Variants in VPS37B observed in about 807,000 individuals in gnomAD.
VPS37B encodes vacuolar protein sorting-associated protein 37B.
Under a neutral mutation model 21.2 loss-of-function variants are expected in VPS37B, and 11 were observed. That is an observed-to-expected ratio of 0.52 (90% CI 0.33 to 0.86). The LOEUF (loss-of-function observed/expected upper bound fraction) is 0.86, where lower values mean the gene tolerates loss of function less well. Among genes scored for constraint, VPS37B ranks in the 40% least tolerant of loss-of-function variants. The pLI is 0.03. For synonymous variants in VPS37B, 175 were observed against 159.6 expected (o/e 1.10, Z -0.73); for missense variants, 389 against 374.8 (o/e 1.04, Z -0.31).
chr12:122,875,535 C>A (rs2034132326), intron 1 of VPS37B: 1 of 152,012 alleles, frequency 6.6e-6, no homozygotes, highest in Non-Finnish European at 1.5e-5. Flanking sequence ...CCAGAACACA[C>A]CTTGGATGCT....
intron 1 of VPS37B, 21 bp from the exon 2 acceptor site, chr12:122,871,082 G>C: frequency 1.9e-6 from 3 of 1,612,128 alleles, no homozygotes; most frequent in Non-Finnish European, 2.5e-6. Flanking sequence ...CACACAAGAT[G>C]ATGAGAACCA....
intron 1 of VPS37B, chr12:122,883,746 G>A (rs2034282144): frequency 6.6e-6 from 1 of 152,188 alleles, no homozygotes; most frequent in African/African-American, 2.4e-5. Flanking sequence ...CCAAAGTGCT[G>A]GGGATTACAG....
chr12:122,872,197 G>C (rs1228633505), intron 1 of VPS37B: 1 of 985,246 alleles, frequency 1.0e-6, no homozygotes, highest in South Asian at 4.7e-5. Flanking sequence ...TTCCTGGTGC[G>C]CTCACACGAG....
chr12:122,868,027 C>G lies in VPS37B; in HGVS notation c.367-420G>C, dbSNP rs1288544713. 6.6e-6 allele frequency among the ~76,000 whole-genome samples: 1 copy of G among 152,230 alleles called. No individual in the cohort carries two copies. Among genetic ancestry groups the G allele is most frequent in the African/African-American group, 2.4e-5 (1 of 41,454 alleles). On this transcript the variant is annotated intron_variant, in intron 3 of 3. Coordinates refer to ENST00000267202, the MANE Select transcript of VPS37B (RefSeq NM_024667.3). The surrounding 1 kb of genome is among the most constrained non-coding windows in gnomAD (Gnocchi z 5.5). ...CCCAGGGCTTCAGAGTTCATCGAGCCCAGCCCTATCTTGGCAAGACCCTGC... is the reference window on the plus strand; with the variant it reads ...CCCAGGGCTTCAGAGTTCATCGAGCGCAGCCCTATCTTGGCAAGACCCTGC...
chr12:122,895,893 C>A lies in VPS37B; in HGVS notation c.111+59G>T. ...GTCGCCTCCGCCTCCGGCCACCGTT[C>A]GAGGAGCGAACCCCGCTCGAGGCCT... On this transcript the variant is annotated intron_variant, in intron 1 of 3. Coordinates refer to ENST00000267202, the MANE Select transcript of VPS37B (RefSeq NM_024667.3). 3 of 1,526,162 alleles carry A rather than the reference C, an allele frequency of 2.0e-6. No homozygotes were observed. The South Asian group carries it at 3.4e-5, about 17-fold the overall frequency. The allele number at this position is 1,526,162 out of a possible 1,614,324, so 94.5% of individuals were successfully genotyped here. A position where few individuals can be genotyped will look rare whatever the true frequency, so the allele number is the denominator to read the frequency against.
chr12:122,868,467 T>C lies in VPS37B; in HGVS notation c.366+13A>G, dbSNP rs1391577412. 1.9e-6 allele frequency: 3 copies of C among 1,611,456 alleles called. No individual in the cohort carries two copies. Among genetic ancestry groups the C allele is most frequent in the Non-Finnish European group, 2.5e-6 (3 of 1,179,240 alleles). On this transcript the variant is annotated intron_variant, in intron 3 of 3. Transcript: ENST00000267202. The surrounding 1 kb of genome is among the most constrained non-coding windows in gnomAD (Gnocchi z 5.5). ...AGCGCCCCAAGGATTCCACCAAGGCTGGTGGGCTTTACCTCAGTGTCTTCC... is the reference window on the plus strand; with the variant it reads ...AGCGCCCCAAGGATTCCACCAAGGCCGGTGGGCTTTACCTCAGTGTCTTCC...
intron 1 of VPS37B, chr12:122,873,667 G>A (rs539597183): frequency 2.6e-5 from 4 of 152,226 alleles, no homozygotes; most frequent in South Asian, 2.1e-4. Flanking sequence ...ATCCCTTCCC[G>A]GTCAGTTCTG....
chr12:122,866,732 T>G lies in VPS37B; in HGVS notation c.*384A>C. On this transcript the variant is annotated 3_prime_UTR_variant, in exon 4 of 4. Transcript: ENST00000267202. ...GTGGGTGAGACACATAGGACTGTCTTTCGAAAATAAAATAAGTATCATGAA... is the reference window on the plus strand; with the variant it reads ...GTGGGTGAGACACATAGGACTGTCTGTCGAAAATAAAATAAGTATCATGAA... 1 of 168,524 alleles carries G rather than the reference T, an allele frequency of 5.9e-6. No homozygotes were observed. Among genetic ancestry groups the G allele is most frequent in the Non-Finnish European group, 1.3e-5 (1 of 79,098 alleles). The allele number at this position is 168,524 out of a possible 1,614,324, so 10.4% of individuals were successfully genotyped here.
chr12:122,877,183 C>T (rs1027017464), intron 1 of VPS37B: 2 of 152,150 alleles, frequency 1.3e-5, no homozygotes, highest in East Asian at 1.9e-4. Context: ...TGACTGAATT[C>T]GTTTAGCAAA....
intron 1 of VPS37B, chr12:122,890,228 G>T (rs540345272): frequency 6.6e-6 from 1 of 151,952 alleles, no homozygotes; most frequent in Admixed American, 6.5e-5. Context: ...TTGTGGGAAC[G>T]TAAGTTAAAA....
chr12:122,868,633 G>C lies in VPS37B; in HGVS notation c.284-71C>G, dbSNP rs1461899093. ...TAAAGCCCTTCATGATGCCAACCACGGCAGGATTGCACCTTCCTTTCCAGG... is the reference window on the plus strand; with the variant it reads ...TAAAGCCCTTCATGATGCCAACCACCGCAGGATTGCACCTTCCTTTCCAGG... On this transcript the variant is annotated intron_variant, in intron 2 of 3. Transcript: ENST00000267202. The surrounding 1 kb of genome is among the most constrained non-coding windows in gnomAD (Gnocchi z 5.5). 7.6e-7 allele frequency: 1 copy of C among 1,320,602 alleles called. No individual in the cohort carries two copies. The highest frequency in any genetic ancestry group is 1.1e-6 in the Non-Finnish European group (1 of 935,118). The allele number at this position is 1,320,602 out of a possible 1,614,324, so 81.8% of individuals were successfully genotyped here.
Position 122,868,390 on chromosome 12 carries a change from G to T in VPS37B, c.366+90C>A. 1 of 1,205,924 alleles carries T rather than the reference G, an allele frequency of 8.3e-7. No individual in the cohort carries two copies. The allele number at this position is 1,205,924 out of a possible 1,614,324, so 74.7% of individuals were successfully genotyped here. ...CCTGGGAGGCACCACTCCTGGCCGT[G>T]GCGGTGTGGCACTCACGGTCCCTGG... On this transcript the variant is annotated intron_variant, in intron 3 of 3. Coordinates refer to ENST00000267202, the MANE Select transcript of VPS37B (RefSeq NM_024667.3). The surrounding 1 kb of genome is among the most constrained non-coding windows in gnomAD (Gnocchi z 5.5).
At chr12:122,887,958 C>G (rs1197233050) in intron 1 of VPS37B, 17 of 152,398 alleles carry the variant, frequency 1.1e-4, no homozygotes, top group Admixed American at 1.1e-3. Flanking sequence ...CCCACCTCAG[C>G]CTTCGGAGTA....
intron 1 of VPS37B, 79 bp downstream of exon 1, chr12:122,895,873 C>CT: frequency 7.2e-7 from 1 of 1,384,520 alleles, no homozygotes; most frequent in Non-Finnish European, 1.0e-6. Context: ...CCGCGGTCGC[C>CT]TCCGCCTCCG....
intron 1 of VPS37B, chr12:122,885,218 TA>T (rs2034303730): frequency 6.6e-6 from 1 of 151,750 alleles, no homozygotes. Flanking sequence ...GGGGATCAGA[TA>T]TTTTACCTAA....
rs2033942319 is a variant in VPS37B at position 122,867,939 on chromosome 12, C to A, written c.367-332G>T. On this transcript the variant is annotated intron_variant, in intron 3 of 3. Transcript: ENST00000267202. This position sits in a 1 kb window ranked among gnomAD's most constrained non-coding sequence, Gnocchi z 5.5. Reference sequence around the variant, plus strand: ...GAGTCCAACACCTCCTTGCTTCCACCCGGCTGCACCCTGACTGACAGACTC... The same window carrying A: ...GAGTCCAACACCTCCTTGCTTCCACACGGCTGCACCCTGACTGACAGACTC... Among the ~76,000 whole-genome samples the A allele has an allele frequency of 6.7e-6, 1 of 149,268 alleles. No individual in the cohort carries two copies. Among genetic ancestry groups the A allele is most frequent in the Admixed American group, 6.6e-5 (1 of 15,246 alleles).
rs115572998 is a variant in VPS37B at position 122,894,179 on chromosome 12, G to C, written c.111+1773C>G. Among the ~76,000 whole-genome samples the C allele has an allele frequency of 3.5e-3, 528 of 152,320 alleles. 5 individuals are homozygous for C. Among genetic ancestry groups the C allele is most frequent in the African/African-American group, 0.012 (495 of 41,572 alleles). ...AAGGTCTCCCAGCAACTGAAAAGCA[G>C]AGAAACTAAGCAAAGATTTTTTCTT... is the stretch of plus-strand genomic sequence containing the variant. On this transcript the variant is annotated intron_variant, in intron 1 of 3. Coordinates refer to ENST00000267202, the MANE Select transcript of VPS37B (RefSeq NM_024667.3).
At chr12:122,884,758 T>C (rs1395117930) in intron 1 of VPS37B, 1 of 152,210 alleles carries the variant, frequency 6.6e-6, no homozygotes, top group Non-Finnish European at 1.5e-5. Flanking sequence ...AAAGCATTCA[T>C]TTGTTTAGGA....
chr12:122,871,383 G>C (rs570441001), intron 1 of VPS37B: 60 of 1,067,530 alleles, frequency 5.6e-5, no homozygotes, highest in Middle Eastern at 4.2e-4. Flanking sequence ...CATTGTGCTT[G>C]CAGAAGTAAA....
Sources: allele counts gnomAD v4.1 joint callset (sites outside exome capture counted in the v4.1 genomes callset), GRCh38; gene constraint gnomAD v4.1.1; non-coding constraint Gnocchi (gnomAD v3.1); transcripts MANE v1.5; gene names NCBI Gene and HGNC (gene_info 2026-07-23, HGNC 2026-07-21).